The following CBLB variants were observed in gnomAD, a reference collection of about 807,000 sequenced individuals.
CBLB encodes the protein E3 ubiquitin-protein ligase CBL-B.
CBLB carries 31 observed loss-of-function variants against 104.9 expected under a neutral mutation model. The observed-to-expected ratio is 0.30, with a 90% CI of 0.22 to 0.40. The LOEUF is 0.40. Ranked by LOEUF, CBLB falls within the 10% of genes least tolerant of loss-of-function variation. The probability of loss-of-function intolerance (pLI) is 1.00; values close to 1 mark genes in which losing one functional copy is unlikely to be tolerated. For synonymous variants in CBLB, 440 were observed against 422.6 expected (o/e 1.04, Z -0.51); for missense variants, 1,062 against 1,214.6 (o/e 0.87, Z 1.87).
At chr3:105,811,081 C>T (rs1377686266) in intron 3 of CBLB, among the ~76,000 whole-genome samples, 2 of 151,888 alleles carry the variant, frequency 1.3e-5, no homozygotes, top group Admixed American at 6.6e-5. Flanking sequence ...TATTCTAATC[C>T]AAGTGATTAA....
intron 18 of CBLB, among the ~76,000 whole-genome samples, chr3:105,665,440 T>C (rs552420359): frequency 0.02 from 1,426 of 70,496 alleles, 33 homozygotes; most frequent in African/African-American, 0.057. Flanking sequence ...TATATATATA[T>C]ATACACACAC....
intron 9 of CBLB, among the ~76,000 whole-genome samples, chr3:105,724,351 A>C (rs139943597): frequency 7.4e-4 from 112 of 152,240 alleles, no homozygotes; most frequent in African/African-American, 2.5e-3. Flanking sequence ...GATGCCCATA[A>C]AAGCCTGCAT....
chr3:105,681,547 T>G lies in CBLB; in HGVS notation c.2360A>C (p.Asp787Ala). The G allele has an allele frequency of 1.2e-6, 2 of 1,614,060 alleles. No individual in the cohort carries two copies. The highest frequency in any genetic ancestry group is 8.5e-7 in the Non-Finnish European group (1 of 1,179,952). The part of the protein sequence containing the change: ...PLPPARPPTR[D>A]NPKHGSSLNR... Reference sequence around the variant, plus strand: ...GAGTGAAGAACCATGCTTTGGATTGTCCCGAGTTGGAGGCCTGGCAGGTGG... The same window carrying G: ...GAGTGAAGAACCATGCTTTGGATTGGCCCGAGTTGGAGGCCTGGCAGGTGG... Residue 787 changes from aspartate to alanine, a missense_variant, in exon 16 of 19, where the codon GAC (aspartate) becomes GCC (alanine). Around this residue, in one of 2 missense-constraint regions of CBLB, gnomAD observed 605 missense variants for 582.6 expected, o/e 1.04. Coordinates refer to ENST00000394030, the MANE Select transcript of CBLB (RefSeq NM_170662.5).
At chr3:105,838,064 C>CA in intron 3 of CBLB, among the ~76,000 whole-genome samples, 1 of 140,644 alleles carries the variant, frequency 7.1e-6, no homozygotes, top group South Asian at 2.3e-4. Context: ...AGCCTATTAC[C>CA]TTTTTTTTTC....
rs138515573 is a variant in CBLB at position 105,796,446 on chromosome 3, G to A, written c.420-19904C>T. On this transcript the variant is annotated intron_variant, in intron 3 of 18. Transcript: ENST00000394030. ...ACACCATACATAAAAATCAACTCATGAGGATTAAAGACTTAAATGTAAAAC... is the reference window on the plus strand; with the variant it reads ...ACACCATACATAAAAATCAACTCATAAGGATTAAAGACTTAAATGTAAAAC... 5.3e-4 allele frequency among the ~76,000 whole-genome samples: 81 copies of A among 152,278 alleles called. 1 individual carries two copies. The East Asian group carries it at 7.9e-3, about 15-fold the overall frequency.
At chr3:105,796,210 T>C (rs570710220) in intron 3 of CBLB, among the ~76,000 whole-genome samples, 25 of 152,278 alleles carry the variant, frequency 1.6e-4, no homozygotes, top group Admixed American at 5.9e-4. Context: ...AGGGCTATAG[T>C]AACCAAAACA....
At chr3:105,818,965 C>G (rs536404261) in intron 3 of CBLB, among the ~76,000 whole-genome samples, 32 of 152,246 alleles carry the variant, frequency 2.1e-4, no homozygotes, top group Non-Finnish European at 3.8e-4. Context: ...ACTCAACTAT[C>G]CCTGACTTAA....
intron 3 of CBLB, among the ~76,000 whole-genome samples, chr3:105,803,605 G>A (rs78328634): frequency 3.1e-4 from 47 of 152,270 alleles, no homozygotes; most frequent in Non-Finnish European, 5.4e-4. Context: ...CTCTATCCTC[G>A]AAATCTATGA....
chr3:105,764,992 T>C (rs2078062440), intron 4 of CBLB, among the ~76,000 whole-genome samples: 1 of 152,178 alleles, frequency 6.6e-6, no homozygotes, highest in South Asian at 2.1e-4. Flanking sequence ...GAAGTAAAGT[T>C]TGAAACTAGC....
At chr3:105,767,951 C>T (rs550496214) in intron 4 of CBLB, among the ~76,000 whole-genome samples, 1 of 152,278 alleles carries the variant, frequency 6.6e-6, no homozygotes, top group Non-Finnish European at 1.5e-5. Flanking sequence ...TGCTGTCTCC[C>T]AATCAATCAA....
intron 4 of CBLB, among the ~76,000 whole-genome samples, chr3:105,770,076 A>AT (rs1298659028): frequency 6.6e-6 from 1 of 150,510 alleles, no homozygotes; most frequent in South Asian, 2.1e-4. Flanking sequence ...CTCAATGCTA[A>AT]TTTTTGTTTT....
chr3:105,730,316 T>G (rs796648548), intron 9 of CBLB, among the ~76,000 whole-genome samples: 1 of 152,094 alleles, frequency 6.6e-6, no homozygotes, highest in Non-Finnish European at 1.5e-5. Context: ...AACTAAGCCT[T>G]AGATATTCTA....
Position 105,816,867 on chromosome 3 carries a change from C to T in CBLB, c.419+36547G>A, listed in dbSNP as rs1012328831. 5.3e-5 allele frequency among the ~76,000 whole-genome samples: 8 copies of T among 151,710 alleles called. 1 individual carries two copies. Among genetic ancestry groups the T allele is most frequent in the African/African-American group, 1.7e-4 (7 of 41,194 alleles). ...ACCTACTTTTAATCTTTAGTGACAA[C>T]TCCACCACAATTCTAAGTAATGTTT... On this transcript the variant is annotated intron_variant, in intron 3 of 18. Transcript: ENST00000394030.
chr3:105,748,614 T>A (rs2076325079), intron 5 of CBLB, among the ~76,000 whole-genome samples: 1 of 151,984 alleles, frequency 6.6e-6, no homozygotes, highest in Non-Finnish European at 1.5e-5. Context: ...GATTCCAGCA[T>A]CTCTAAGTGA....
rs114726825 is a variant in CBLB, at chr3:105,706,016, G to A, written c.1408-1843C>T. ...AAATTAGAATGGTGTGGTGATACAC[G>A]CCTCCAGTCCCACGACTCAAGAGGC... On this transcript the variant is annotated intron_variant, in intron 10 of 18. Coordinates refer to ENST00000394030, the MANE Select transcript of CBLB (RefSeq NM_170662.5). Among the ~76,000 whole-genome samples the A allele has an allele frequency of 9.7e-3, 1,469 of 151,856 alleles. 13 individuals carry two copies. The highest frequency in any genetic ancestry group is 0.017 in the Non-Finnish European group (1,146 of 67,926).
At position 105,777,527 on chromosome 3, in the gene CBLB, C is replaced by T. The variant is rs144371732; in HGVS notation, c.420-985G>A. 8.5e-4 allele frequency among the ~76,000 whole-genome samples: 130 copies of T among 152,238 alleles called. 3 individuals are homozygous for T. The highest frequency in any genetic ancestry group is 2.3e-3 in the African/African-American group (97 of 41,528). ...CCTATAGCCCCAGTTATTAGGGAGG[C>T]TGATGTGATCTCTTGAGCCAGGAGG... is the stretch of plus-strand genomic sequence containing the variant. On this transcript the variant is annotated intron_variant, in intron 3 of 18. Coordinates refer to ENST00000394030, the MANE Select transcript of CBLB (RefSeq NM_170662.5).
chr3:105,784,180 A>G (rs1022225696), intron 3 of CBLB, among the ~76,000 whole-genome samples: 1 of 152,200 alleles, frequency 6.6e-6, no homozygotes, highest in Admixed American at 6.5e-5. Flanking sequence ...ATGAAACCTA[A>G]TATGTAACAA....
At chr3:105,747,226 A>C (rs1470038706) in intron 5 of CBLB, among the ~76,000 whole-genome samples, 1 of 152,188 alleles carries the variant, frequency 6.6e-6, no homozygotes, top group Non-Finnish European at 1.5e-5. Context: ...AGCATACTCT[A>C]TCTGATGTGC....
At chr3:105,825,397 G>A (rs2153066825) in intron 3 of CBLB, among the ~76,000 whole-genome samples, 1 of 152,274 alleles carries the variant, frequency 6.6e-6, no homozygotes, top group South Asian at 2.1e-4. Context: ...AAGAGAAGGG[G>A]GGAAAGGAAG....
Sources: gnomAD v4.1 joint callset for allele counts (sites outside exome capture counted in the v4.1 genomes callset) on GRCh38, gnomAD v4.1.1 for gene constraint, gnomAD v4.1.1 regional missense constraint, MANE v1.5 for transcripts, NCBI Gene and HGNC (gene_info 2026-07-23, HGNC 2026-07-21) for gene names.